Variants in MB21D2 observed in about 807,000 individuals in gnomAD.
MB21D2 encodes the protein Mab-21 domain containing 2.
In MB21D2, 9 loss-of-function variants were observed where a neutral mutation model predicts 33.3. The observed-to-expected ratio is 0.27, with a 90% CI of 0.16 to 0.47. MB21D2 has a LOEUF of 0.47. Ranked by LOEUF, MB21D2 falls within the 20% of genes least tolerant of loss-of-function variation. MB21D2 has a pLI of 0.99. For synonymous variants in MB21D2, 241 were observed against 236.3 expected, an observed-to-expected ratio of 1.02 and a Z score of -0.18; for missense variants, 540 against 624.6, an observed-to-expected ratio of 0.86 and a Z score of 1.44.
intron 1 of MB21D2, among the ~76,000 whole-genome samples, chr3:192,914,953 G>A (rs1361735411): frequency 1.3e-5 from 2 of 152,172 alleles, no homozygotes; most frequent in African/African-American, 4.8e-5. Context: ...AGCTGGAGGG[G>A]CTTCAGACTT....
At chr3:192,802,167 C>T (rs1711576369) in intron 1 of MB21D2, among the ~76,000 whole-genome samples, 1 of 152,182 alleles carries the variant, frequency 6.6e-6, no homozygotes, top group South Asian at 2.1e-4. Flanking sequence ...ATGGGGGTTG[C>T]AGGTGCACAT....
At chr3:192,888,685 C>T (rs969816652) in intron 1 of MB21D2, among the ~76,000 whole-genome samples, 7 of 152,174 alleles carry the variant, frequency 4.6e-5, no homozygotes, top group Middle Eastern at 3.4e-3. Flanking sequence ...ATTGTGCTTT[C>T]GAGGTGAGCA....
chr3:192,828,020 TC>T (rs1712214560), intron 1 of MB21D2, among the ~76,000 whole-genome samples: 1 of 152,118 alleles, frequency 6.6e-6, no homozygotes, highest in African/African-American at 2.4e-5. Flanking sequence ...GAAACCCCTT[TC>T]GCTTGGCTCT....
intron 1 of MB21D2, among the ~76,000 whole-genome samples, chr3:192,862,785 T>C (rs1013518402): frequency 6.6e-6 from 1 of 152,182 alleles, no homozygotes; most frequent in African/African-American, 2.4e-5. Context: ...TAACAAAATA[T>C]CTTAAACTGG....
intron 1 of MB21D2, among the ~76,000 whole-genome samples, chr3:192,848,178 A>G (rs374014426): frequency 2.2e-4 from 33 of 152,332 alleles, no homozygotes; most frequent in East Asian, 1.5e-3. Flanking sequence ...CAAGTGCTAA[A>G]TATGCTGCAA....
At chr3:192,862,775 T>C (rs895782660) in intron 1 of MB21D2, among the ~76,000 whole-genome samples, 1 of 152,222 alleles carries the variant, frequency 6.6e-6, no homozygotes, top group African/African-American at 2.4e-5. Context: ...TGGGCTGCTA[T>C]AACAAAATAT....
chr3:192,870,238 C>G (rs911684136), intron 1 of MB21D2, among the ~76,000 whole-genome samples: 2 of 152,122 alleles, frequency 1.3e-5, no homozygotes, highest in Non-Finnish European at 2.9e-5. Context: ...GGATTCCTGA[C>G]TGTGTCTCTC....
rs1442566355 is a variant in MB21D2, at chr3:192,898,226, T to A, written c.211+19404A>T. ...CCAAAAACACATGAATCTCACGTAT[T>A]TTTTTTTTTTTTGGAGATGGGATCT... On this transcript the variant is annotated intron_variant, in intron 1 of 1. Coordinates refer to ENST00000392452, the MANE Select transcript of MB21D2 (RefSeq NM_178496.4). 6.2e-3 allele frequency among the ~76,000 whole-genome samples: 148 copies of A among 23,788 alleles called. 1 individual carries two copies. Among genetic ancestry groups the A allele is most frequent in the African/African-American group, 0.025 (140 of 5,582 alleles). 15.6% of individuals were successfully genotyped at this position (23,788 alleles called of 152,430 possible). A position where few individuals can be genotyped will look rare whatever the true frequency, so the allele number is the denominator to read the frequency against.
intron 1 of MB21D2, among the ~76,000 whole-genome samples, chr3:192,905,823 C>A (rs1197663726): frequency 1.3e-5 from 2 of 151,564 alleles, no homozygotes; most frequent in Admixed American, 1.3e-4. Context: ...ACAGAGCACG[C>A]CCTGTCTCAA....
At chr3:192,885,178 T>C (rs1237150167) in intron 1 of MB21D2, among the ~76,000 whole-genome samples, 1 of 152,094 alleles carries the variant, frequency 6.6e-6, no homozygotes, top group Non-Finnish European at 1.5e-5. Flanking sequence ...GTAAGCCCAA[T>C]TTAATTACTA....
intron 1 of MB21D2, among the ~76,000 whole-genome samples, chr3:192,896,153 T>C (rs951495235): frequency 6.6e-6 from 1 of 152,110 alleles, no homozygotes; most frequent in African/African-American, 2.4e-5. Flanking sequence ...ACAAAACCTT[T>C]TTAAAAAAAC....
At chr3:192,885,991 C>T (rs1427646802) in intron 1 of MB21D2, among the ~76,000 whole-genome samples, 3 of 152,040 alleles carry the variant, frequency 2.0e-5, no homozygotes, top group African/African-American at 4.8e-5. Flanking sequence ...GATGAAGTCT[C>T]ACTCTGTCGC....
intron 1 of MB21D2, among the ~76,000 whole-genome samples, chr3:192,880,071 G>T (rs1394637836): frequency 1.3e-5 from 2 of 152,196 alleles, no homozygotes; most frequent in South Asian, 4.2e-4. Context: ...AAGGACGGGC[G>T]CAGTGGCTCA....
intron 1 of MB21D2, among the ~76,000 whole-genome samples, chr3:192,837,644 C>G (rs1474431886): frequency 6.6e-6 from 1 of 152,336 alleles, no homozygotes; most frequent in Admixed American, 6.5e-5. Context: ...CTGAATGAGT[C>G]TGGGCCGTCT....
chr3:192,905,176 GGCAGACT>G (rs1322439060), intron 1 of MB21D2, among the ~76,000 whole-genome samples: 1 of 152,212 alleles, frequency 6.6e-6, no homozygotes, highest in African/African-American at 2.4e-5. Context: ...ATCAGGCACA[GGCAGACT>G]TACAGTCTGC....
intron 1 of MB21D2, among the ~76,000 whole-genome samples, chr3:192,859,160 C>T (rs976460790): frequency 4.6e-5 from 7 of 152,090 alleles, no homozygotes; most frequent in African/African-American, 1.7e-4. Flanking sequence ...CAGTACTGCA[C>T]AACACAGAGC....
chr3:192,867,247 C>T (rs963341140), intron 1 of MB21D2, among the ~76,000 whole-genome samples: 1 of 152,094 alleles, frequency 6.6e-6, no homozygotes, highest in Non-Finnish European at 1.5e-5. Flanking sequence ...AAAAATGCAA[C>T]AAGCAAAGAT....
intron 1 of MB21D2, among the ~76,000 whole-genome samples, chr3:192,803,438 A>C (rs915071329): frequency 3.3e-5 from 5 of 152,196 alleles, no homozygotes; most frequent in African/African-American, 1.2e-4. Context: ...CCCTATAAGA[A>C]ACAAAGTCCC....
chr3:192,887,152 C>G (rs1713750089), intron 1 of MB21D2, among the ~76,000 whole-genome samples: 1 of 152,046 alleles, frequency 6.6e-6, no homozygotes, highest in Admixed American at 6.5e-5. Context: ...TATCAATGAA[C>G]TTTACTTTTT....
Sources: gnomAD v4.1 joint callset for allele counts (sites outside exome capture counted in the v4.1 genomes callset) on GRCh38, gnomAD v4.1.1 for gene constraint, MANE v1.5 for transcripts, NCBI Gene and HGNC (gene_info 2026-07-23, HGNC 2026-07-21) for gene names.